The following NOSIP variants were observed in gnomAD, a reference collection of about 807,000 sequenced individuals.
NOSIP encodes nitric oxide synthase interacting protein, also known as nitric oxide synthase-interacting protein.
In NOSIP, 25 loss-of-function variants were observed where a neutral mutation model predicts 36.4. The observed-to-expected ratio is 0.69, with a 90% confidence interval of 0.50 to 0.96. The LOEUF (loss-of-function observed/expected upper bound fraction) is 0.96. Among genes scored for constraint, NOSIP ranks in the 40% least tolerant of loss-of-function variants. The pLI, the probability that NOSIP is intolerant of heterozygous loss-of-function variation, is 0.00. For synonymous variants in NOSIP, 187 were observed against 179.2 expected (o/e 1.04, Z -0.35); for missense variants, 370 against 429.0 (o/e 0.86, Z 1.21).
intron 1 of NOSIP, among the ~76,000 whole-genome samples, chr19:49,575,997 T>C (rs972770403): frequency 2.6e-5 from 4 of 151,936 alleles, no homozygotes; most frequent in African/African-American, 7.3e-5. Flanking sequence ...TAGCCGGGCG[T>C]GGTGGCGGGC....
intron 1 of NOSIP, among the ~76,000 whole-genome samples, chr19:49,579,855 T>C (rs1307680918): frequency 6.6e-6 from 1 of 152,146 alleles, no homozygotes; most frequent in Non-Finnish European, 1.5e-5. Flanking sequence ...TATTCTTCTC[T>C]CACTTTTATA....
rs539920923 is a variant in NOSIP, at chr19:49,562,986, A to G, written c.-1-2294T>C. 6.6e-5 allele frequency among the ~76,000 whole-genome samples: 10 copies of G among 152,344 alleles called. No homozygotes were observed. The East Asian group carries it at 1.7e-3, about 26-fold the overall frequency. ...CCAAGCTTAAACAGTTGCAAAGGAT[A>G]CAATTTCCAGCAACGTAAATGTGTA... On this transcript the variant is annotated intron_variant, in intron 1 of 8. Coordinates refer to ENST00000596358, the MANE Select transcript of NOSIP (RefSeq NM_001270960.2).
At chr19:49,568,150 C>T (rs966879888) in intron 1 of NOSIP, among the ~76,000 whole-genome samples, 8 of 152,132 alleles carry the variant, frequency 5.3e-5, no homozygotes, top group African/African-American at 1.9e-4. Context: ...AAGATAAGAA[C>T]AGAATACAAA....
At chr19:49,567,501 A>C (rs1394010596) in intron 1 of NOSIP, among the ~76,000 whole-genome samples, 1 of 152,024 alleles carries the variant, frequency 6.6e-6, no homozygotes, top group Non-Finnish European at 1.5e-5. Flanking sequence ...AACATGAGAG[A>C]GCCACTCCTC....
intron 6 of NOSIP, 41 bp downstream of exon 6, chr19:49,556,834 C>T (rs1009253752): frequency 6.3e-6 from 10 of 1,596,644 alleles, no homozygotes; most frequent in South Asian, 2.2e-5. Flanking sequence ...GGAACCCTGG[C>T]GCCCTGGCAC....
intron 1 of NOSIP, among the ~76,000 whole-genome samples, chr19:49,564,453 C>CA (rs1011453088): frequency 0.059 from 2,434 of 41,026 alleles, 52 homozygotes; most frequent in Non-Finnish European, 0.071. Context: ...GACTCCATCT[C>CA]AAAAAAAAAA....
At position 49,560,371 on chromosome 19, in the gene NOSIP, TG is replaced by T; in HGVS notation, c.70+250del. On this transcript the variant is annotated intron_variant, in intron 2 of 8. Transcript: ENST00000596358. This position sits in a 1 kb window ranked among gnomAD's most constrained non-coding sequence, Gnocchi z 4.6. ...GGCCTCAGTTTCTTCCTCTGGAACATGGGGTAACAAGAGCACCCTCCCTGAC... is the reference window on the plus strand; with the variant it reads ...GGCCTCAGTTTCTTCCTCTGGAACATGGGTAACAAGAGCACCCTCCCTGAC... The T allele has an allele frequency of 1.7e-6, 1 of 579,120 alleles. No individual in the cohort carries two copies. The highest frequency in any genetic ancestry group is 2.9e-5 in the East Asian group (1 of 34,534). 35.9% of individuals were successfully genotyped at this position (579,120 alleles called of 1,614,324 possible).
intron 1 of NOSIP, chr19:49,579,268 T>C (rs1206029494): frequency 6.6e-6 from 1 of 152,192 alleles, no homozygotes; most frequent in East Asian, 1.9e-4. Flanking sequence ...ATCAGCAATG[T>C]TTCTGGTTTT....
rs150449733 is a variant in NOSIP at position 49,559,933 on chromosome 19, C to T, written c.176+1G>A. The T allele has an allele frequency of 1.1e-5, 18 of 1,607,470 alleles. No homozygotes were observed. The highest frequency in any genetic ancestry group is 1.4e-5 in the Non-Finnish European group (17 of 1,174,838). The stretch of plus-strand genomic sequence containing the variant: ...CCTACCCATCCCTGTTCCCAGCTCA[C>T]GTGACAACAGGATCGTGGCAAGGCT... On this transcript the variant is annotated splice_donor_variant, in intron 3 of 8. Coordinates refer to ENST00000596358, the MANE Select transcript of NOSIP (RefSeq NM_001270960.2). LOFTEE classifies it high-confidence loss of function.
intron 7 of NOSIP, 58 bp downstream of exon 7, chr19:49,556,491 G>C: frequency 6.2e-7 from 1 of 1,608,014 alleles, no homozygotes; most frequent in Non-Finnish European, 8.5e-7. Context: ...TGGCCCCAAA[G>C]CCGGACCGCC....
At chr19:49,567,105 C>T (rs925012641) in intron 1 of NOSIP, among the ~76,000 whole-genome samples, 14 of 148,116 alleles carry the variant, frequency 9.5e-5, no homozygotes, top group Admixed American at 1.4e-4. Flanking sequence ...CATGAGCCAC[C>T]GTGCCCAGCC....
chr19:49,556,058 G>C (rs912657173), intron 8 of NOSIP, among the ~76,000 whole-genome samples: 3 of 134,322 alleles, frequency 2.2e-5, no homozygotes, highest in African/African-American at 9.9e-5. Context: ...GTGTGGAGGG[G>C]GTGGAGCCGT....
chr19:49,557,022 C>G lies in NOSIP; in HGVS notation c.419-29G>C, dbSNP rs573968290. ...TGGGGGAAGGAAGGGACTCAGATGC[C>G]GCCCCCTGGGCCCGCCCAGCCCGCG... On this transcript the variant is annotated intron_variant, in intron 5 of 8. Coordinates refer to ENST00000596358, the MANE Select transcript of NOSIP (RefSeq NM_001270960.2). 5.0e-6 allele frequency: 8 copies of G among 1,594,254 alleles called. No individual in the cohort carries two copies. In the East Asian group the frequency reaches 1.8e-4, roughly 36 times the overall value.
At chr19:49,559,839 G>T in intron 3 of NOSIP, 95 bp downstream of exon 3, 1 of 818,114 alleles carries the variant, frequency 1.2e-6, no homozygotes, top group Non-Finnish European at 2.1e-6. Flanking sequence ...AGGGTTCCCT[G>T]GCTGTGCAGG....
At chr19:49,562,916 A>G (rs1490878542) in intron 1 of NOSIP, among the ~76,000 whole-genome samples, 1 of 152,144 alleles carries the variant, frequency 6.6e-6, no homozygotes, top group Non-Finnish European at 1.5e-5. Flanking sequence ...TAGTAACATT[A>G]TATACTTGTC....
intron 1 of NOSIP, among the ~76,000 whole-genome samples, chr19:49,575,065 A>G (rs184855346): frequency 1.5e-3 from 222 of 152,026 alleles, no homozygotes; most frequent in Middle Eastern, 3.4e-3. Context: ...GGGTTTCACC[A>G]CGTTAGCCAG....
At chr19:49,564,516 A>G (rs2080380516) in intron 1 of NOSIP, among the ~76,000 whole-genome samples, 1 of 151,038 alleles carries the variant, frequency 6.6e-6, no homozygotes, top group African/African-American at 2.4e-5. Flanking sequence ...CACACGCACC[A>G]CAAGGGTTGC....
intron 1 of NOSIP, chr19:49,566,839 C>G (rs2080415785): frequency 7.3e-6 from 1 of 137,080 alleles, no homozygotes; most frequent in Non-Finnish European, 1.5e-5. Flanking sequence ...TTTTTTGAGA[C>G]AGAGTCTCGC....
chr19:49,566,383 G>A lies in NOSIP; in HGVS notation c.-1-5691C>T, dbSNP rs576921957. Among the ~76,000 whole-genome samples, 70 of 152,100 alleles carry A rather than the reference G, an allele frequency of 4.6e-4. 2 individuals carry two copies. In the South Asian group the frequency reaches 7.5e-3, roughly 16 times the overall value. ...GAATACAGTGGTACAATCATAGCTC[G>A]CTGCAGCCTCAAACTCCTGGGCTCA... On this transcript the variant is annotated intron_variant, in intron 1 of 8. Transcript: ENST00000596358.
Sources: gnomAD v4.1 joint callset for allele counts (sites outside exome capture counted in the v4.1 genomes callset) on GRCh38, gnomAD v4.1.1 for gene constraint, Gnocchi (gnomAD v3.1) non-coding constraint, MANE v1.5 for transcripts, NCBI Gene and HGNC (gene_info 2026-07-23, HGNC 2026-07-21) for gene names.